HYDIN: variants seen among roughly 807,000 people sequenced by gnomAD.
The protein encoded by HYDIN is axonemal central pair apparatus protein HYDIN.
In HYDIN, 132 loss-of-function variants were observed where a neutral mutation model predicts 403.9. The ratio of observed to expected loss-of-function variants is 0.33; its 90% CI spans 0.28 to 0.38. The LOEUF (loss-of-function observed/expected upper bound fraction) is 0.38. Ranked by LOEUF, HYDIN falls within the 10% of genes least tolerant of loss-of-function variation. The pLI, the probability that HYDIN is intolerant of heterozygous loss-of-function variation, is 1.00. For synonymous variants in HYDIN, 1,202 were observed against 1,891.7 expected (o/e 0.64, Z 9.46); for missense variants, 2,827 against 5,009.5 (o/e 0.56, Z 13.15).
intron 19 of HYDIN, among the ~76,000 whole-genome samples, chr16:71,028,733 A>G (rs953804649): frequency 1.6e-4 from 25 of 152,164 alleles, no homozygotes; most frequent in Admixed American, 5.9e-4. Flanking sequence ...GAAATAAACA[A>G]TCAGAAGGAA....
intron 5 of HYDIN, among the ~76,000 whole-genome samples, chr16:71,175,320 A>C (rs1319590469): frequency 6.6e-6 from 1 of 152,016 alleles, no homozygotes; most frequent in Non-Finnish European, 1.5e-5. Context: ...CACCAGTACC[A>C]ACATCAATAA....
chr16:71,185,391 T>G (rs895007362), intron 2 of HYDIN, among the ~76,000 whole-genome samples: 7 of 152,158 alleles, frequency 4.6e-5, no homozygotes, highest in Admixed American at 3.3e-4. Context: ...TTGAAATACC[T>G]CTATTTCTCA....
intron 5 of HYDIN, among the ~76,000 whole-genome samples, chr16:71,170,050 T>C (rs1360683356): frequency 1.3e-5 from 2 of 152,168 alleles, no homozygotes; most frequent in Non-Finnish European, 2.9e-5. Context: ...ATGCCTCACG[T>C]GGCCCTGCTT....
chr16:71,139,920 T>A (rs1351473992), intron 7 of HYDIN, among the ~76,000 whole-genome samples: 3 of 152,068 alleles, frequency 2.0e-5, no homozygotes, highest in African/African-American at 7.2e-5. Context: ...ATAAATTTTT[T>A]AAAAATCAGA....
At chr16:70,854,291 G>C (rs1368334453) in intron 73 of HYDIN, among the ~76,000 whole-genome samples, 4 of 149,378 alleles carry the variant, frequency 2.7e-5, no homozygotes, top group Non-Finnish European at 4.4e-5. Context: ...CTGGAGTGCA[G>C]TGGTGCAATC....
At chr16:70,906,833 G>A (rs2076550697) in intron 50 of HYDIN, among the ~76,000 whole-genome samples, 1 of 152,186 alleles carries the variant, frequency 6.6e-6, no homozygotes, top group African/African-American at 2.4e-5. Flanking sequence ...TAGCAACCAT[G>A]TCCTCTCTTC....
At chr16:70,882,919 G>C in intron 59 of HYDIN, 24 bp from the exon 60 acceptor site, 2 of 1,550,126 alleles carry the variant, frequency 1.3e-6, no homozygotes, top group Non-Finnish European at 1.8e-6. Context: ...GGGAGACCAT[G>C]AGATGCTGCC....
intron 5 of HYDIN, among the ~76,000 whole-genome samples, chr16:71,170,320 T>C (rs558350754): frequency 6.6e-6 from 1 of 152,336 alleles, no homozygotes; most frequent in East Asian, 1.9e-4. Context: ...CTCAGTGATG[T>C]AGGGAATGAT....
At chr16:71,050,610 C>CT (rs1829124105) in intron 18 of HYDIN, among the ~76,000 whole-genome samples, 1 of 151,698 alleles carries the variant, frequency 6.6e-6, no homozygotes, top group Non-Finnish European at 1.5e-5. Flanking sequence ...ATAGTTTTGC[C>CT]TTTTCTAGAA....
chr16:71,146,030 TAG>T (rs1338447548), intron 7 of HYDIN, among the ~76,000 whole-genome samples: 5 of 152,208 alleles, frequency 3.3e-5, no homozygotes, highest in Non-Finnish European at 7.3e-5. Context: ...CCAACATATG[TAG>T]AGTTGTTTAT....
Position 70,949,117 on chromosome 16 carries a change from AC to A in HYDIN, c.6531+3303del, listed in dbSNP as rs1303936286. Among the ~76,000 whole-genome samples, 10 of 152,284 alleles carry A rather than the reference AC, an allele frequency of 6.6e-5. No individual in the cohort carries two copies. The East Asian group carries it at 1.7e-3, about 26-fold the overall frequency. On this transcript the variant is annotated intron_variant, in intron 41 of 85. Transcript: ENST00000393567. Reference sequence around the variant, plus strand: ...ATGTGGCACATAGACACCATGGAATACTATGCAGCCATAAAAAATGATGAGC... The same window carrying A: ...ATGTGGCACATAGACACCATGGAATATATGCAGCCATAAAAAATGATGAGC...
At chr16:71,017,501 T>A (rs2055973) in intron 23 of HYDIN, among the ~76,000 whole-genome samples, 1 of 151,890 alleles carries the variant, frequency 6.6e-6, no homozygotes, top group African/African-American at 2.4e-5. Context: ...TGTGAGTCAA[T>A]TAAAACTTTT....
intron 18 of HYDIN, among the ~76,000 whole-genome samples, chr16:71,048,440 A>G (rs2081523120): frequency 7.9e-6 from 1 of 126,834 alleles, no homozygotes; most frequent in Non-Finnish European, 1.8e-5. Context: ...TAGCTGTACT[A>G]ATTTACATTC....
At chr16:70,872,815 C>A (rs1054185373) in intron 64 of HYDIN, among the ~76,000 whole-genome samples, 5 of 149,474 alleles carry the variant, frequency 3.3e-5, no homozygotes, top group Non-Finnish European at 5.9e-5. Context: ...TCCATCCATG[C>A]AGCCATCCAT....
chr16:70,878,747 C>A (rs1346050881), intron 62 of HYDIN, among the ~76,000 whole-genome samples: 2 of 141,814 alleles, frequency 1.4e-5, no homozygotes, highest in South Asian at 2.1e-4. Flanking sequence ...ATTGCTGAAA[C>A]CCAACTCCTA....
At chr16:70,966,234 CA>C (rs2078568869) in intron 36 of HYDIN, among the ~76,000 whole-genome samples, 1 of 152,208 alleles carries the variant, frequency 6.6e-6, no homozygotes, top group African/African-American at 2.4e-5. Context: ...AAACCTCCCA[CA>C]TGCAAATCTC....
At chr16:71,173,736 A>G (rs1334983790) in intron 5 of HYDIN, among the ~76,000 whole-genome samples, 1 of 152,170 alleles carries the variant, frequency 6.6e-6, no homozygotes, top group African/African-American at 2.4e-5. Context: ...ACAAATATAA[A>G]TGTTTTGACA....
chr16:71,230,673 G>T lies in HYDIN; in HGVS notation c.-135C>A, dbSNP rs756929967. 5 of 1,535,990 alleles carry T rather than the reference G, an allele frequency of 3.3e-6. No homozygotes were observed. The highest frequency in any genetic ancestry group is 4.4e-6 in the Non-Finnish European group (5 of 1,146,836). On this transcript the variant is annotated 5_prime_UTR_variant, in exon 1 of 86. Transcript: ENST00000393567. ...GGGGCTCCATACCCAGCTTGAAGCC[G>T]CCCGCACTCTCCATGCGCCGCCCGA...
At chr16:71,060,094 A>T (rs568603698) in intron 18 of HYDIN, among the ~76,000 whole-genome samples, 3 of 152,156 alleles carry the variant, frequency 2.0e-5, no homozygotes, top group African/African-American at 7.2e-5. Context: ...ACTTCTAGTT[A>T]AAGAGACATC....
Sources: gnomAD v4.1 joint callset for allele counts (sites outside exome capture counted in the v4.1 genomes callset) on GRCh38, gnomAD v4.1.1 for gene constraint, MANE v1.5 for transcripts, NCBI Gene and HGNC (gene_info 2026-07-23, HGNC 2026-07-21) for gene names.